The following MCTP2 variants were observed in gnomAD, a reference collection of about 807,000 sequenced individuals.
The protein encoded by MCTP2 is multiple C2 and transmembrane domain-containing protein 2.
MCTP2 carries 132 observed loss-of-function variants against 111.6 expected under a neutral mutation model. The ratio of observed to expected loss-of-function variants is 1.18; its 90% CI spans 1.03 to 1.37. The LOEUF is 1.37. Among genes scored for constraint, MCTP2 ranks in the 40% most tolerant of loss-of-function variants. The pLI is 0.00. For synonymous variants in MCTP2, 395 were observed against 387.7 expected, an observed-to-expected ratio of 1.02 and a Z score of -0.22; for missense variants, 1,183 against 1,067.9, an observed-to-expected ratio of 1.11 and a Z score of -1.50.
intron 17 of MCTP2, chr15:94,402,397 A>C: frequency 3.3e-6 from 5 of 1,513,456 alleles, no homozygotes; most frequent in Middle Eastern, 1.7e-4. Flanking sequence ...ATTTTAAGTA[A>C]ATTATTCCCA....
At chr15:94,251,973 T>C (rs1475663985) in intron 1 of MCTP2, among the ~76,000 whole-genome samples, 1 of 152,222 alleles carries the variant, frequency 6.6e-6, no homozygotes, top group Non-Finnish European at 1.5e-5. Context: ...AATTTCCTTC[T>C]TCTTAAAGGC....
At chr15:94,256,618 C>A (rs1485979057) in intron 1 of MCTP2, among the ~76,000 whole-genome samples, 2 of 152,166 alleles carry the variant, frequency 1.3e-5, no homozygotes, top group African/African-American at 2.4e-5. Context: ...CAGACCATCA[C>A]AAGAATTGGG....
chr15:94,347,437 A>G (rs2078044601), intron 8 of MCTP2, among the ~76,000 whole-genome samples: 1 of 152,204 alleles, frequency 6.6e-6, no homozygotes, highest in Non-Finnish European at 1.5e-5. Context: ...TTCTTATAAT[A>G]ACTTTATTCA....
chr15:94,326,125 G>A (rs957313069), intron 4 of MCTP2, among the ~76,000 whole-genome samples: 1 of 151,842 alleles, frequency 6.6e-6, no homozygotes, highest in Non-Finnish European at 1.5e-5. Context: ...GGCCCGCCCC[G>A]ATTTTTAAAA....
intron 8 of MCTP2, among the ~76,000 whole-genome samples, chr15:94,348,407 C>T (rs868330993): frequency 1.1e-5 from 1 of 88,082 alleles, no homozygotes; most frequent in African/African-American, 6.4e-5. Context: ...CCTCTCCATC[C>T]CCTCTCCCTC....
chr15:94,466,179 A>C (rs1345950), intron 20 of MCTP2, among the ~76,000 whole-genome samples: 39,957 of 152,084 alleles, frequency 0.26, 5,625 homozygotes, highest in Middle Eastern at 0.37. Context: ...CATATTAAAC[A>C]TTATGATTTA....
rs533734161 is a variant in MCTP2, at chr15:94,482,555, G to A, written c.*3521G>A. 9.8e-5 allele frequency: 15 copies of A among 152,312 alleles called. No individual in the cohort carries two copies. The highest frequency in any genetic ancestry group is 5.2e-4 in the Admixed American group (8 of 15,300). The allele number at this position is 152,312 out of a possible 1,614,324, so 9.4% of individuals were successfully genotyped here. A position where few individuals can be genotyped will look rare whatever the true frequency, so the allele number is the denominator to read the frequency against. Reference sequence around the variant, plus strand: ...AGGACCACAGGAGTCCAGTTTTAGCGCTGAATCTCAGGTGACTGAAAAGCA... The same window carrying A: ...AGGACCACAGGAGTCCAGTTTTAGCACTGAATCTCAGGTGACTGAAAAGCA... On this transcript the variant is annotated 3_prime_UTR_variant, in exon 23 of 23. Transcript: ENST00000357742.
intron 4 of MCTP2, among the ~76,000 whole-genome samples, chr15:94,323,699 A>T (rs982905830): frequency 6.6e-6 from 1 of 152,134 alleles, no homozygotes; most frequent in Non-Finnish European, 1.5e-5. Flanking sequence ...TCTTACTCTG[A>T]TGCTGTCAAT....
intron 19 of MCTP2, among the ~76,000 whole-genome samples, chr15:94,453,321 T>C (rs17549574): frequency 0.074 from 11,271 of 152,256 alleles, 626 homozygotes; most frequent in Non-Finnish European, 0.12. Context: ...CCTGAGTGAC[T>C]AACATCCAGC....
intron 3 of MCTP2, 61 bp downstream of exon 3, chr15:94,314,405 G>A (rs2076286382): frequency 1.6e-6 from 2 of 1,274,426 alleles, no homozygotes; most frequent in Admixed American, 4.6e-5. Context: ...TCAAATGTTT[G>A]GGTTTGTATT....
At chr15:94,242,800 C>T (rs1174053418) in intron 1 of MCTP2, among the ~76,000 whole-genome samples, 2 of 150,822 alleles carry the variant, frequency 1.3e-5, no homozygotes, top group Non-Finnish European at 3.0e-5. Flanking sequence ...ATCCTATTGG[C>T]AGTATTGGGT....
At chr15:94,319,543 A>G (rs896804984) in intron 4 of MCTP2, among the ~76,000 whole-genome samples, 2 of 152,164 alleles carry the variant, frequency 1.3e-5, no homozygotes, top group African/African-American at 4.8e-5. Context: ...GTTCCCAGGT[A>G]AGGCTGATGC....
At chr15:94,367,819 C>A in intron 11 of MCTP2, 28 bp downstream of exon 11, 1 of 1,545,786 alleles carries the variant, frequency 6.5e-7, no homozygotes, top group Non-Finnish European at 8.7e-7. Context: ...TTGTACACTC[C>A]CCCTCCTCCC....
chr15:94,328,382 C>T (rs1242037644), intron 4 of MCTP2, among the ~76,000 whole-genome samples: 2 of 152,156 alleles, frequency 1.3e-5, no homozygotes, highest in Non-Finnish European at 2.9e-5. Flanking sequence ...CCCGCCTTGG[C>T]CTCCCAAAGT....
In MCTP2 at chr15:94,315,631, C is replaced by G. The variant is rs376414265; in HGVS notation, c.631C>G (p.Arg211Gly). ...KEGRNLVVRD[R>G]CGTSDPYVKF... is the part of the protein sequence containing the mutation. Reference sequence around the variant, plus strand: ...AGGCCGGAACCTGGTTGTCCGAGATCGCTGTGGTAAGACCTGGGTCTGTTA... The same window carrying G: ...AGGCCGGAACCTGGTTGTCCGAGATGGCTGTGGTAAGACCTGGGTCTGTTA... The change falls in exon 4 of 23, where the codon CGC becomes GGC. Residue 211 changes from arginine to glycine, a missense_variant. Physicochemically the swap from Arg to Gly is moderately radical, Grantham distance 125. Coordinates refer to ENST00000357742, the MANE Select transcript of MCTP2 (RefSeq NM_001385001.1). The G allele has an allele frequency of 6.2e-7, 1 of 1,613,096 alleles. No homozygotes were observed.
At chr15:94,386,985 A>T (rs1266987394) in intron 14 of MCTP2, among the ~76,000 whole-genome samples, 1 of 152,112 alleles carries the variant, frequency 6.6e-6, no homozygotes, top group Non-Finnish European at 1.5e-5. Context: ...AAAAAAAGTC[A>T]AAGTGTGTGG....
At chr15:94,450,371 C>T (rs1322360363) in intron 19 of MCTP2, among the ~76,000 whole-genome samples, 3 of 152,196 alleles carry the variant, frequency 2.0e-5, no homozygotes, top group Admixed American at 6.5e-5. Flanking sequence ...CGCACGTGTG[C>T]GTCTGCATCC....
At chr15:94,255,745 C>T (rs934595978) in intron 1 of MCTP2, among the ~76,000 whole-genome samples, 5 of 152,086 alleles carry the variant, frequency 3.3e-5, no homozygotes, top group African/African-American at 1.2e-4. Context: ...GGCAGTTTCA[C>T]AATTGAGTAT....
Position 94,470,447 on chromosome 15 carries a change from G to A in MCTP2, c.2470+5G>A, listed in dbSNP as rs372400421. ...GGTACATCATTTTAATCTGGGGTAA[G>A]TTTGGAATGGTCCTTTTGCTAGCAA... On this transcript the variant is annotated splice_donor_5th_base_variant and intron_variant, in intron 21 of 22. Coordinates refer to ENST00000357742, the MANE Select transcript of MCTP2 (RefSeq NM_001385001.1). 3.9e-6 allele frequency: 6 copies of A among 1,554,510 alleles called. No homozygotes were observed. Among genetic ancestry groups the A allele is most frequent in the South Asian group, 1.1e-5 (1 of 89,904 alleles).
Sources: gnomAD v4.1 joint callset for allele counts (sites outside exome capture counted in the v4.1 genomes callset) on GRCh38, gnomAD v4.1.1 for gene constraint, MANE v1.5 for transcripts, NCBI Gene and HGNC (gene_info 2026-07-23, HGNC 2026-07-21) for gene names.